NBEA: variants seen among roughly 807,000 people sequenced by gnomAD.
NBEA encodes lysosomal-trafficking regulator 2.
A neutral mutation model predicts 343.4 loss-of-function variants in NBEA; 44 were observed. The observed-to-expected ratio is 0.13, with a 90% CI of 0.10 to 0.16. NBEA has a LOEUF of 0.16. NBEA is among the 10% of genes least tolerant of loss of function. The pLI, the probability that NBEA is intolerant of heterozygous loss-of-function variation, is 1.00. For missense variants in NBEA, 2,555 were observed against 3,631.3 expected, an observed-to-expected ratio of 0.70 and a Z score of 7.62; for synonymous variants, 1,175 against 1,238.7, an observed-to-expected ratio of 0.95 and a Z score of 1.08.
At chr13:35,613,081 A>T (rs1031483480) in intron 48 of NBEA, among the ~76,000 whole-genome samples, 22 of 149,382 alleles carry the variant, frequency 1.5e-4, no homozygotes, top group African/African-American at 5.4e-4. Context: ...TTTTAAAAAT[A>T]TATATATTTA....
At chr13:35,235,383 T>C (rs1318002217) in intron 34 of NBEA, among the ~76,000 whole-genome samples, 2 of 152,366 alleles carry the variant, frequency 1.3e-5, no homozygotes, top group African/African-American at 4.8e-5. Flanking sequence ...TTATTTTTTC[T>C]GTTGCTATCT....
chr13:35,327,922 C>G (rs1161521140), intron 36 of NBEA, among the ~76,000 whole-genome samples: 1 of 151,158 alleles, frequency 6.6e-6, no homozygotes, highest in African/African-American at 2.4e-5. Context: ...AAAAAAAAAA[C>G]TCTCAGCAAA....
chr13:35,198,776 C>T (rs1358904441), intron 31 of NBEA, among the ~76,000 whole-genome samples: 1 of 151,772 alleles, frequency 6.6e-6, no homozygotes, highest in African/African-American at 2.4e-5. Context: ...GGATTGAGGT[C>T]TCGGGGGCGC....
chr13:35,498,348 C>T (rs188685689), intron 41 of NBEA, among the ~76,000 whole-genome samples: 1 of 151,966 alleles, frequency 6.6e-6, no homozygotes, highest in South Asian at 2.1e-4. Flanking sequence ...CCTCCCTAGG[C>T]AAATGGGTTC....
chr13:35,594,396 G>A (rs2081669086), intron 47 of NBEA, among the ~76,000 whole-genome samples: 1 of 152,034 alleles, frequency 6.6e-6, no homozygotes, highest in South Asian at 2.1e-4. Context: ...GTAATTGGAT[G>A]AATACAAGTT....
chr13:35,203,420 C>T (rs544087880), intron 31 of NBEA, among the ~76,000 whole-genome samples: 76 of 152,198 alleles, frequency 5.0e-4, no homozygotes, highest in African/African-American at 1.6e-3. Flanking sequence ...TTCTCTGAGC[C>T]GCCCTTTCAA....
In NBEA at chr13:35,155,793, G is replaced by T. The variant is rs779191901; in HGVS notation, c.2465G>T (p.Cys822Phe). ...TLYEILTEQV[C>F]TQVVHKPHPE... is the part of the protein sequence containing the mutation. The stretch of plus-strand genomic sequence containing the variant: ...TTTCAGATCTTGACAGAACAAGTAT[G>T]TACTCAGGTCGTACACAAACCACAT... The change falls in exon 19 of 59, where the codon TGT (cysteine) becomes TTT (phenylalanine). Residue 822 changes from cysteine (C) to phenylalanine (F), a missense_variant. Cys to Phe is a radical substitution (Grantham distance 205, BLOSUM62 -2). Coordinates refer to ENST00000379939, the MANE Select transcript of NBEA (RefSeq NM_001385012.1). 6.2e-7 allele frequency: 1 copy of T among 1,610,230 alleles called. No individual in the cohort carries two copies. The highest frequency in any genetic ancestry group is 8.5e-7 in the Non-Finnish European group (1 of 1,176,640).
rs530409003 is a variant in NBEA at position 35,577,556 on chromosome 13, T to C, written c.7036-6342T>C. 3.3e-5 allele frequency among the ~76,000 whole-genome samples: 5 copies of C among 152,310 alleles called. No homozygotes were observed. In the East Asian group the frequency reaches 9.6e-4, roughly 29 times the overall value. The stretch of plus-strand genomic sequence containing the variant: ...TGTAAGAGCACATTTTTAAGGAAAC[T>C]AGCTCTTATGTGCTATGAATATTTT... On this transcript the variant is annotated intron_variant, in intron 45 of 58. Coordinates refer to ENST00000379939, the MANE Select transcript of NBEA (RefSeq NM_001385012.1).
chr13:35,522,475 C>CAAAAAAAAAAAAAAAAAAA (rs138270833), intron 41 of NBEA, among the ~76,000 whole-genome samples: 3 of 42,036 alleles, frequency 7.1e-5, no homozygotes, highest in East Asian at 5.4e-4. Flanking sequence ...ATACCATCTC[C>CAAAAAAAAAAAAAAAAAAA]AAAAAAAAAA....
At chr13:35,548,908 A>G (rs913507051) in intron 41 of NBEA, among the ~76,000 whole-genome samples, 1 of 152,212 alleles carries the variant, frequency 6.6e-6, no homozygotes, top group African/African-American at 2.4e-5. Context: ...GCTCAACAAC[A>G]AGGAGACATA....
intron 41 of NBEA, 99 bp downstream of exon 41, chr13:35,472,635 C>A: frequency 8.6e-7 from 1 of 1,167,076 alleles, no homozygotes; most frequent in Non-Finnish European, 1.3e-6. Context: ...GAGGGGAGCA[C>A]ATTCTCCTCT....
intron 3 of NBEA, 33 bp downstream of exon 3, chr13:35,045,080 A>T: frequency 6.5e-7 from 1 of 1,542,742 alleles, no homozygotes; most frequent in Non-Finnish European, 8.9e-7. Context: ...GGTATTCAGT[A>T]TCAGTCCATT....
At chr13:35,391,401 A>G (rs975020755) in intron 38 of NBEA, among the ~76,000 whole-genome samples, 2 of 152,188 alleles carry the variant, frequency 1.3e-5, no homozygotes, top group East Asian at 3.8e-4. Context: ...TTGTACACAT[A>G]GAAGAATTTG....
At chr13:35,148,658 T>C (rs376243379) in intron 18 of NBEA, among the ~76,000 whole-genome samples, 8 of 152,234 alleles carry the variant, frequency 5.3e-5, no homozygotes, top group African/African-American at 1.4e-4. Context: ...TTATAAAATG[T>C]TATCCTAAAT....
At chr13:35,581,828 A>G (rs1192442584) in intron 45 of NBEA, among the ~76,000 whole-genome samples, 2 of 150,420 alleles carry the variant, frequency 1.3e-5, no homozygotes, top group Non-Finnish European at 3.0e-5. Context: ...GCACATGTAT[A>G]CATATGTAAC....
intron 6 of NBEA, among the ~76,000 whole-genome samples, chr13:35,055,213 TC>T (rs530415366): frequency 1.4e-3 from 219 of 152,280 alleles, no homozygotes; most frequent in Non-Finnish European, 2.5e-3. Flanking sequence ...TTTGTATTTT[TC>T]TATACTTTAG....
intron 8 of NBEA, among the ~76,000 whole-genome samples, chr13:35,067,031 T>G (rs2063678095): frequency 6.6e-6 from 1 of 152,136 alleles, no homozygotes; most frequent in South Asian, 2.1e-4. Flanking sequence ...TAGTGAGTTA[T>G]ATAAATGTTA....
intron 23 of NBEA, among the ~76,000 whole-genome samples, chr13:35,162,347 G>T (rs1191928301): frequency 6.6e-6 from 1 of 152,108 alleles, no homozygotes; most frequent in Non-Finnish European, 1.5e-5. Flanking sequence ...ACATAGGCAT[G>T]AATACAATTA....
intron 40 of NBEA, 142 bp downstream of exon 40, chr13:35,452,377 T>TA: frequency 1.5e-6 from 1 of 647,926 alleles, no homozygotes. Flanking sequence ...CTACTTTATC[T>TA]CATTTCTAAT....
Sources: gnomAD v4.1 joint callset for allele counts (sites outside exome capture counted in the v4.1 genomes callset) on GRCh38, gnomAD v4.1.1 for gene constraint, MANE v1.5 for transcripts, NCBI Gene and HGNC (gene_info 2026-07-23, HGNC 2026-07-21) for gene names.